ST8SIA6: variants seen among roughly 807,000 people sequenced by gnomAD.
ST8SIA6 encodes the protein ST8 alpha-N-acetyl-neuraminide alpha-2,8-sialyltransferase 6.
In ST8SIA6, 39 loss-of-function variants were observed where a neutral mutation model predicts 33.6. The ratio of observed to expected loss-of-function variants is 1.16; its 90% CI spans 0.90 to 1.52. ST8SIA6 has a LOEUF of 1.52. Among genes scored for constraint, ST8SIA6 ranks in the 40% most tolerant of loss-of-function variants. The pLI, the probability that ST8SIA6 is intolerant of heterozygous loss-of-function variation, is 0.00. For synonymous variants in ST8SIA6, 172 were observed against 167.2 expected (o/e 1.03, Z -0.22); for missense variants, 441 against 443.8 (o/e 0.99, Z 0.06).
intron 3 of ST8SIA6, among the ~76,000 whole-genome samples, chr10:17,379,812 T>C (rs913088670): frequency 4.6e-5 from 7 of 152,158 alleles, no homozygotes; most frequent in African/African-American, 7.2e-5. Context: ...GAGTAACAGG[T>C]GTGTCCTCAA....
At chr10:17,426,680 C>G (rs1851949522) in intron 2 of ST8SIA6, among the ~76,000 whole-genome samples, 1 of 152,226 alleles carries the variant, frequency 6.6e-6, no homozygotes, top group South Asian at 2.1e-4. Flanking sequence ...GGGCTACGGG[C>G]TGAGCCTGGC....
At chr10:17,333,672 GAT>G (rs1165578414) in intron 4 of ST8SIA6, among the ~76,000 whole-genome samples, 1,384 of 35,168 alleles carry the variant, frequency 0.039, 129 homozygotes, top group South Asian at 0.059. Context: ...ATGGTGCTGG[GAT>G]ATATATATAT....
chr10:17,431,707 A>G (rs963887165), intron 2 of ST8SIA6, among the ~76,000 whole-genome samples: 3 of 150,428 alleles, frequency 2.0e-5, no homozygotes, highest in Non-Finnish European at 4.4e-5. Flanking sequence ...AATCACTGCA[A>G]TTTCTCTGTG....
At chr10:17,442,605 C>A (rs903575214) in intron 2 of ST8SIA6, among the ~76,000 whole-genome samples, 3 of 152,154 alleles carry the variant, frequency 2.0e-5, no homozygotes, top group African/African-American at 7.2e-5. Flanking sequence ...GATATGTGAT[C>A]ATTAATCTCC....
intron 2 of ST8SIA6, among the ~76,000 whole-genome samples, chr10:17,422,107 T>C (rs1015001672): frequency 6.6e-6 from 1 of 152,100 alleles, no homozygotes; most frequent in African/African-American, 2.4e-5. Flanking sequence ...CTAACAATGA[T>C]CTCTTTCACT....
intron 3 of ST8SIA6, among the ~76,000 whole-genome samples, chr10:17,370,944 G>C (rs935222898): frequency 1.4e-4 from 21 of 152,182 alleles, no homozygotes; most frequent in Non-Finnish European, 1.8e-4. Context: ...AAGAGAGCAA[G>C]AGGTAGAAGT....
At chr10:17,395,243 T>C (rs535866224) in intron 2 of ST8SIA6, among the ~76,000 whole-genome samples, 1 of 152,326 alleles carries the variant, frequency 6.6e-6, no homozygotes, top group East Asian at 1.9e-4. Context: ...AAATGTCTTT[T>C]TCTTTATGAA....
chr10:17,428,997 C>T (rs1218164977), intron 2 of ST8SIA6, among the ~76,000 whole-genome samples: 2 of 152,068 alleles, frequency 1.3e-5, no homozygotes, highest in African/African-American at 4.8e-5. Context: ...CACCCCCTTC[C>T]TGTTGTGTGT....
chr10:17,392,741 A>G (rs1422942077), intron 2 of ST8SIA6, among the ~76,000 whole-genome samples: 1 of 152,176 alleles, frequency 6.6e-6, no homozygotes, highest in Admixed American at 6.5e-5. Context: ...GATAGAATAG[A>G]CTATGATGTG....
At chr10:17,366,438 CCTTTT>C (rs964207504) in intron 3 of ST8SIA6, among the ~76,000 whole-genome samples, 1 of 151,834 alleles carries the variant, frequency 6.6e-6, no homozygotes, top group African/African-American at 2.4e-5. Flanking sequence ...AGCCAGGCAT[CCTTTT>C]CTTTTTTTTT....
At chr10:17,333,614 CA>C (rs1848369882) in intron 4 of ST8SIA6, among the ~76,000 whole-genome samples, 1 of 133,554 alleles carries the variant, frequency 7.5e-6, no homozygotes. Flanking sequence ...TGATCTTTGA[CA>C]AACCTGACAA....
chr10:17,362,122 A>G (rs1463259203), intron 3 of ST8SIA6, among the ~76,000 whole-genome samples: 4 of 152,206 alleles, frequency 2.6e-5, no homozygotes, highest in Non-Finnish European at 4.4e-5. Flanking sequence ...CACTTTCACC[A>G]TCTCTATTCC....
At chr10:17,333,451 A>G (rs1848364583) in intron 4 of ST8SIA6, among the ~76,000 whole-genome samples, 1 of 151,732 alleles carries the variant, frequency 6.6e-6, no homozygotes, top group African/African-American at 2.4e-5. Flanking sequence ...CTAAGCAAAG[A>G]GAACAAAGCT....
At chr10:17,351,942 G>T (rs1416570698) in intron 4 of ST8SIA6, among the ~76,000 whole-genome samples, 1 of 151,998 alleles carries the variant, frequency 6.6e-6, no homozygotes, top group South Asian at 2.1e-4. Flanking sequence ...TGGGCAGAAA[G>T]AATACATTTT....
At chr10:17,390,502 G>C (rs1346413833) in intron 3 of ST8SIA6, 29 bp downstream of exon 3, 1 of 1,547,844 alleles carries the variant, frequency 6.5e-7, no homozygotes, top group Admixed American at 1.8e-5. Context: ...TGTTGTAAAA[G>C]GAAATTAAAT....
chr10:17,415,325 A>G (rs1237839451), intron 2 of ST8SIA6, among the ~76,000 whole-genome samples: 1 of 152,124 alleles, frequency 6.6e-6, no homozygotes, highest in Non-Finnish European at 1.5e-5. Context: ...CTCCCTACCT[A>G]AACACAGGAT....
Position 17,318,009 on chromosome 10 carries a change from C to T in ST8SIA6, c.*2869G>A, listed in dbSNP as rs1298215831. Among the ~76,000 whole-genome samples, 1 of 152,282 alleles carries T rather than the reference C, an allele frequency of 6.6e-6. No individual in the cohort carries two copies. Among genetic ancestry groups the T allele is most frequent in the East Asian group, 1.9e-4 (1 of 5,186 alleles). ...TGATCATGAAGCCCTTTGCAGGGACCACAGAGTACTATGGACTATATACTT... is the reference window on the plus strand; with the variant it reads ...TGATCATGAAGCCCTTTGCAGGGACTACAGAGTACTATGGACTATATACTT... On this transcript the variant is annotated 3_prime_UTR_variant, in exon 8 of 8. Transcript: ENST00000377602.
intron 2 of ST8SIA6, among the ~76,000 whole-genome samples, chr10:17,395,098 T>C (rs1452651438): frequency 6.6e-6 from 1 of 152,114 alleles, no homozygotes; most frequent in Non-Finnish European, 1.5e-5. Context: ...CCCCATACTG[T>C]TCTCATGGTA....
In ST8SIA6 at chr10:17,390,614, A is replaced by T; in HGVS notation, c.207T>A (p.Tyr69Ter). Reference sequence around the variant, plus strand: ...TCAGTTGGAGCGACTTCTCATTCAGATATGTGCTGTTTCATGAAAGAGATT... The same window carrying T: ...TCAGTTGGAGCGACTTCTCATTCAGTTATGTGCTGTTTCATGAAAGAGATT... ...TAVPRATNST[Y>*]LNEKSLQLTE... The change falls in exon 3 of 8, where the codon TAT (tyrosine) becomes TAA (stop). Residue 69 changes from tyrosine (Y) to a stop codon, truncating the protein, a stop_gained. Coordinates refer to ENST00000377602, the MANE Select transcript of ST8SIA6 (RefSeq NM_001004470.3). LOFTEE classifies it high-confidence loss of function. 6.2e-7 allele frequency: 1 copy of T among 1,612,228 alleles called. No homozygotes were observed. Among genetic ancestry groups the T allele is most frequent in the Middle Eastern group, 1.7e-4 (1 of 6,056 alleles).
Sources: gnomAD v4.1 joint callset for allele counts (sites outside exome capture counted in the v4.1 genomes callset) on GRCh38, gnomAD v4.1.1 for gene constraint, MANE v1.5 for transcripts, NCBI Gene and HGNC (gene_info 2026-07-23, HGNC 2026-07-21) for gene names.